The following ASCC3 variants were observed in gnomAD, a reference collection of about 807,000 sequenced individuals.
ASCC3 encodes the protein activating signal cointegrator 1 complex subunit 3, also known as ASC-1 complex subunit P200.
ASCC3 carries 158 observed loss-of-function variants against 256.3 expected under a neutral mutation model. That is an observed-to-expected ratio of 0.62 (90% CI 0.54 to 0.70). ASCC3 has a LOEUF of 0.70. Among genes scored for constraint, ASCC3 ranks in the 30% least tolerant of loss-of-function variants. ASCC3 has a pLI of 0.00. For missense variants in ASCC3, 2,259 were observed against 2,626.0 expected, an observed-to-expected ratio of 0.86 and a Z score of 3.05; for synonymous variants, 948 against 883.4, an observed-to-expected ratio of 1.07 and a Z score of -1.30.
chr6:100,774,382 C>T (rs543750471), intron 8 of ASCC3, among the ~76,000 whole-genome samples: 13 of 150,906 alleles, frequency 8.6e-5, no homozygotes, highest in Admixed American at 3.3e-4. Context: ...TTTTTTTTTT[C>T]GGAGATGCAC....
chr6:100,608,109 T>A (rs983931499), intron 30 of ASCC3, among the ~76,000 whole-genome samples: 1 of 126,284 alleles, frequency 7.9e-6, no homozygotes, highest in African/African-American at 3.0e-5. Context: ...CATATATATG[T>A]ATATATATCT....
At chr6:100,859,703 A>G (rs566002114) in intron 3 of ASCC3, among the ~76,000 whole-genome samples, 1 of 152,042 alleles carries the variant, frequency 6.6e-6, no homozygotes, top group South Asian at 2.1e-4. Flanking sequence ...TGTCCAACCT[A>G]CCTTTTGATT....
intron 37 of ASCC3, chr6:100,530,478 C>T (rs1774813572): frequency 1.5e-5 from 12 of 793,534 alleles, no homozygotes; most frequent in Admixed American, 1.2e-4. Context: ...GTTAGAACAA[C>T]TGTACAATAG....
intron 3 of ASCC3, among the ~76,000 whole-genome samples, chr6:100,849,295 G>A (rs568436352): frequency 6.6e-6 from 1 of 152,186 alleles, no homozygotes. Context: ...AAAACAACTT[G>A]AGACACTAGC....
chr6:100,615,334 C>A (rs918945898), intron 30 of ASCC3, among the ~76,000 whole-genome samples: 22 of 152,066 alleles, frequency 1.4e-4, no homozygotes, highest in African/African-American at 5.3e-4. Context: ...CTCCCACCCC[C>A]ACCATGACTT....
intron 34 of ASCC3, among the ~76,000 whole-genome samples, chr6:100,599,522 T>C (rs1772482702): frequency 1.3e-5 from 2 of 152,218 alleles, no homozygotes; most frequent in Non-Finnish European, 1.5e-5. Context: ...GAATAGCTTG[T>C]AGTATTGTAT....
At chr6:100,564,043 T>C (rs1582455729) in intron 36 of ASCC3, among the ~76,000 whole-genome samples, 1 of 152,010 alleles carries the variant, frequency 6.6e-6, no homozygotes. Flanking sequence ...ATCTTCTTTT[T>C]TTAATATTAA....
At position 100,800,287 on chromosome 6, in the gene ASCC3, T is replaced by C. The variant is rs1424382854; in HGVS notation, c.1127+13A>G. ...TACAACACAAGCATTTTTCAGCTCCTGGCTTTTATTACCTTTGTATCCGCA... is the reference window on the plus strand; with the variant it reads ...TACAACACAAGCATTTTTCAGCTCCCGGCTTTTATTACCTTTGTATCCGCA... On this transcript the variant is annotated intron_variant, in intron 6 of 41. Transcript: ENST00000369162. 1 of 1,612,022 alleles carries C rather than the reference T, an allele frequency of 6.2e-7. No individual in the cohort carries two copies. The highest frequency in any genetic ancestry group is 2.2e-5 in the East Asian group (1 of 44,766).
In ASCC3 at chr6:100,736,708, C is replaced by T. The variant is rs981813536; in HGVS notation, c.1738-11005G>A. 2.2e-4 allele frequency among the ~76,000 whole-genome samples: 33 copies of T among 152,184 alleles called. 1 individual carries two copies. Among genetic ancestry groups the T allele is most frequent in the Non-Finnish European group, 5.9e-5 (4 of 68,034 alleles). ...CCCTTGGCCTAATGAGATGATACTT[C>T]CTGTGTCCAGATATCATTTCCCTGA... On this transcript the variant is annotated intron_variant, in intron 10 of 41. Transcript: ENST00000369162.
At chr6:100,690,921 A>C (rs181021048) in intron 13 of ASCC3, among the ~76,000 whole-genome samples, 82 of 152,254 alleles carry the variant, frequency 5.4e-4, no homozygotes, top group African/African-American at 1.9e-3. Flanking sequence ...TATACAGAAC[A>C]CTACTCTGAA....
intron 1 of ASCC3, among the ~76,000 whole-genome samples, chr6:100,877,309 T>A (rs1774048896): frequency 6.6e-6 from 1 of 152,094 alleles, no homozygotes; most frequent in South Asian, 2.1e-4. Context: ...AAGGAGTAGG[T>A]TGTAAATGGA....
At chr6:100,578,465 G>A (rs906005281) in intron 36 of ASCC3, among the ~76,000 whole-genome samples, 2 of 151,884 alleles carry the variant, frequency 1.3e-5, no homozygotes, top group Admixed American at 6.6e-5. Flanking sequence ...TCCCTTCTTC[G>A]TGTCCATGTA....
intron 36 of ASCC3, among the ~76,000 whole-genome samples, chr6:100,544,536 G>A (rs958646154): frequency 6.6e-6 from 1 of 151,674 alleles, no homozygotes; most frequent in Non-Finnish European, 1.5e-5. Context: ...AATATGAACA[G>A]CTTTATGCCT....
At chr6:100,637,261 C>T (rs1369530819) in intron 25 of ASCC3, among the ~76,000 whole-genome samples, 2 of 152,166 alleles carry the variant, frequency 1.3e-5, no homozygotes, top group East Asian at 3.9e-4. Context: ...TCTGCCTGTG[C>T]TCTATAAATG....
rs1262942281 is a variant in ASCC3 at position 100,627,612 on chromosome 6, A to T, written c.4620T>A (p.Ser1540Arg). 6.2e-7 allele frequency: 1 copy of T among 1,613,530 alleles called. No individual in the cohort carries two copies. The highest frequency in any genetic ancestry group is 8.5e-7 in the Non-Finnish European group (1 of 1,179,686). The part of the protein sequence containing the change: ...PGQHYCPRMA[S>R]MNKPAFQAIR... ...TACCCTGAAATGCAGGCTTGTTCAT[A>T]CTAGCCATACGAGGACAGTAATGTT... Residue 1540 changes from serine (S) to arginine (R), a missense_variant, in exon 29 of 42, where the codon AGT becomes AGA. By Grantham distance (110) the Ser-to-Arg change is moderately radical. This residue lies in a region of ASCC3 where 1,839 missense variants were observed against 2,206.7 expected (regional missense o/e 0.83). Transcript: ENST00000369162.
intron 8 of ASCC3, among the ~76,000 whole-genome samples, chr6:100,769,655 A>G (rs1046840348): frequency 2.0e-5 from 3 of 151,860 alleles, no homozygotes; most frequent in African/African-American, 7.2e-5. Context: ...AAAAACAGAA[A>G]AGGATGATTC....
chr6:100,611,753 T>C (rs240110), intron 30 of ASCC3, among the ~76,000 whole-genome samples: 87,113 of 151,662 alleles, frequency 0.57, 25,233 homozygotes, highest in East Asian at 0.73. Context: ...TCAATTTTTC[T>C]AGTGATAGCT....
chr6:100,860,027 G>C (rs1273632583), intron 3 of ASCC3, among the ~76,000 whole-genome samples: 1 of 151,900 alleles, frequency 6.6e-6, no homozygotes, highest in African/African-American at 2.4e-5. Context: ...CACTACTCTT[G>C]GCCCCCATCT....
intron 14 of ASCC3, among the ~76,000 whole-genome samples, chr6:100,669,619 T>C (rs1410125904): frequency 1.3e-5 from 2 of 151,838 alleles, no homozygotes; most frequent in Non-Finnish European, 2.9e-5. Context: ...ACTGAAAATT[T>C]ATCCAGGAGA....
Sources: gnomAD v4.1 joint callset for allele counts (sites outside exome capture counted in the v4.1 genomes callset) on GRCh38, gnomAD v4.1.1 for gene constraint, gnomAD v4.1.1 regional missense constraint, MANE v1.5 for transcripts, NCBI Gene and HGNC (gene_info 2026-07-23, HGNC 2026-07-21) for gene names.